The following ZFAND6 variants were observed in gnomAD, a reference collection of about 807,000 sequenced individuals.
The protein encoded by ZFAND6 is zinc finger AN1-type containing 6.
A neutral mutation model predicts 24.5 loss-of-function variants in ZFAND6; 12 were observed. The observed-to-expected ratio is 0.49, with a 90% CI of 0.31 to 0.79. ZFAND6 has a LOEUF of 0.79. Among genes scored for constraint, ZFAND6 ranks in the 30% least tolerant of loss-of-function variants. The probability of loss-of-function intolerance (pLI) is 0.04; values close to 1 mark genes in which losing one functional copy is unlikely to be tolerated. For synonymous variants in ZFAND6, 92 were observed against 81.5 expected, an observed-to-expected ratio of 1.13 and a Z score of -0.69; for missense variants, 207 against 245.9, an observed-to-expected ratio of 0.84 and a Z score of 1.06.
chr15:80,118,207 C>T (rs1291424872), intron 2 of ZFAND6, among the ~76,000 whole-genome samples: 2 of 152,080 alleles, frequency 1.3e-5, no homozygotes, highest in Non-Finnish European at 2.9e-5. Context: ...CTGCAACCTC[C>T]GCCTTCCCAG....
intron 2 of ZFAND6, among the ~76,000 whole-genome samples, chr15:80,102,229 C>T (rs559300412): frequency 2.8e-4 from 43 of 152,078 alleles, no homozygotes; most frequent in South Asian, 6.2e-4. Context: ...CCTGCCTCAC[C>T]CTCCCATGTA....
At chr15:80,065,928 GTTCC>G (rs2141789919) in intron 1 of ZFAND6, among the ~76,000 whole-genome samples, 1 of 152,178 alleles carries the variant, frequency 6.6e-6, no homozygotes, top group African/African-American at 2.4e-5. Context: ...CCTATTGAAT[GTTCC>G]TCTGAGCATA....
At chr15:80,106,254 C>T (rs1274027199) in intron 2 of ZFAND6, among the ~76,000 whole-genome samples, 1 of 152,128 alleles carries the variant, frequency 6.6e-6, no homozygotes, top group African/African-American at 2.4e-5. Context: ...TTTATTCATC[C>T]AGCATGTATT....
intron 2 of ZFAND6, among the ~76,000 whole-genome samples, chr15:80,109,466 G>A (rs2039498677): frequency 6.6e-6 from 1 of 152,176 alleles, no homozygotes; most frequent in African/African-American, 2.4e-5. Context: ...CCTGAAGGAG[G>A]TGAAGAACCT....
At chr15:80,096,358 G>A (rs2038721035) in intron 1 of ZFAND6, among the ~76,000 whole-genome samples, 1 of 152,176 alleles carries the variant, frequency 6.6e-6, no homozygotes, top group South Asian at 2.1e-4. Context: ...TAAGCCTGCG[G>A]TGAAATCAGA....
chr15:80,110,909 G>A (rs1406738383), intron 2 of ZFAND6, among the ~76,000 whole-genome samples: 4 of 152,190 alleles, frequency 2.6e-5, no homozygotes, highest in African/African-American at 9.6e-5. Context: ...CAGGTATTCA[G>A]CCCTGAGACA....
intron 2 of ZFAND6, among the ~76,000 whole-genome samples, chr15:80,105,277 T>A (rs541965910): frequency 6.6e-6 from 1 of 152,316 alleles, no homozygotes; most frequent in South Asian, 2.1e-4. Context: ...AACCATTCCA[T>A]CACACTTTTA....
intron 1 of ZFAND6, among the ~76,000 whole-genome samples, chr15:80,093,037 C>A (rs924441822): frequency 6.6e-6 from 1 of 151,680 alleles, no homozygotes; most frequent in Non-Finnish European, 1.5e-5. Flanking sequence ...TCACTGCAAC[C>A]TCTGCCTCCT....
intron 1 of ZFAND6, among the ~76,000 whole-genome samples, chr15:80,069,691 G>A (rs936941150): frequency 9.9e-5 from 15 of 151,914 alleles, no homozygotes; most frequent in African/African-American, 1.9e-4. Flanking sequence ...GGAGTGCAAT[G>A]TCTGCTGCCC....
At chr15:80,089,335 T>C (rs2038206399) in intron 1 of ZFAND6, among the ~76,000 whole-genome samples, 1 of 133,548 alleles carries the variant, frequency 7.5e-6, no homozygotes, top group South Asian at 2.6e-4. Flanking sequence ...ATCTCCTCAC[T>C]GTAGCCTCCA....
At chr15:80,083,343 T>C (rs2037794885) in intron 1 of ZFAND6, among the ~76,000 whole-genome samples, 1 of 152,218 alleles carries the variant, frequency 6.6e-6, no homozygotes, top group Non-Finnish European at 1.5e-5. Context: ...GGTGGTATTA[T>C]CCATAATAAT....
intron 1 of ZFAND6, among the ~76,000 whole-genome samples, chr15:80,064,231 TAA>T (rs1229437915): frequency 3.3e-5 from 5 of 152,244 alleles, no homozygotes; most frequent in Non-Finnish European, 7.3e-5. Context: ...GAACATTTCT[TAA>T]AGTCTTTTCA....
At chr15:80,075,893 C>T (rs918904724) in intron 1 of ZFAND6, among the ~76,000 whole-genome samples, 44 of 152,034 alleles carry the variant, frequency 2.9e-4, no homozygotes, top group African/African-American at 1.0e-3. Flanking sequence ...TTTTCCCCTT[C>T]GCAATATAAA....
rs3082079 is a variant in ZFAND6 at position 80,099,618 on chromosome 15, C to CTTTTTTTTTTT, written c.-18+1046_-18+1056dup. On this transcript the variant is annotated intron_variant, in intron 2 of 6. Transcript: ENST00000261749. The stretch of plus-strand genomic sequence containing the variant: ...AGAATACACACTGAATATGGATATC[C>CTTTTTTTTTTT]TTTTTTTTTTTTTTTTCGAGACGGA... Among the ~76,000 whole-genome samples, 42 of 109,170 alleles carry CTTTTTTTTTTT rather than the reference C, an allele frequency of 3.8e-4. 3 individuals carry two copies. Among genetic ancestry groups the CTTTTTTTTTTT allele is most frequent in the East Asian group, 7.6e-4 (3 of 3,964 alleles). The allele number at this position is 109,170 out of a possible 152,430, so 71.6% of individuals were successfully genotyped here.
intron 1 of ZFAND6, among the ~76,000 whole-genome samples, chr15:80,064,422 T>A (rs1280312146): frequency 6.6e-6 from 1 of 152,176 alleles, no homozygotes; most frequent in Non-Finnish European, 1.5e-5. Flanking sequence ...ATTTCTTTAA[T>A]TAATTATGAT....
chr15:80,118,118 CTTATT>C (rs1238782060), intron 2 of ZFAND6, among the ~76,000 whole-genome samples: 6 of 151,780 alleles, frequency 4.0e-5, no homozygotes, highest in African/African-American at 1.2e-4. Context: ...AGCTCCATCA[CTTATT>C]TTATTTATTT....
chr15:80,095,949 G>A (rs1417320244), intron 1 of ZFAND6, among the ~76,000 whole-genome samples: 1 of 152,082 alleles, frequency 6.6e-6, no homozygotes, highest in Admixed American at 6.6e-5. Flanking sequence ...TTAACATATG[G>A]TATCCAAATC....
intron 1 of ZFAND6, among the ~76,000 whole-genome samples, chr15:80,061,496 A>C (rs1435113137): frequency 6.6e-6 from 1 of 152,146 alleles, no homozygotes; most frequent in Admixed American, 6.5e-5. Flanking sequence ...TTTGTCTATG[A>C]GTTTCTTATC....
At chr15:80,136,752 T>G (rs1469341500) in intron 6 of ZFAND6, among the ~76,000 whole-genome samples, 1 of 152,240 alleles carries the variant, frequency 6.6e-6, no homozygotes, top group East Asian at 1.9e-4. Flanking sequence ...AGGACCAGTT[T>G]TATTTAAAGA....
Sources: gnomAD v4.1 joint callset for allele counts (sites outside exome capture counted in the v4.1 genomes callset) on GRCh38, gnomAD v4.1.1 for gene constraint, MANE v1.5 for transcripts, NCBI Gene and HGNC (gene_info 2026-07-23, HGNC 2026-07-21) for gene names.